The following TLE2 variants were observed in gnomAD, a reference collection of about 807,000 sequenced individuals.
The protein encoded by TLE2 is transducin-like enhancer protein 2.
TLE2 carries 74 observed loss-of-function variants against 97.2 expected under a neutral mutation model. That is an observed-to-expected ratio of 0.76 (90% CI 0.63 to 0.92). The LOEUF (loss-of-function observed/expected upper bound fraction) is 0.92. TLE2 is among the 40% of genes least tolerant of loss of function. TLE2 has a pLI of 0.00. For synonymous variants in TLE2, 499 were observed against 432.1 expected (o/e 1.15, Z -1.92); for missense variants, 1,038 against 1,008.7 (o/e 1.03, Z -0.39).
At position 3,019,314 on chromosome 19, in the gene TLE2, G is replaced by A. The variant is rs1295107551; in HGVS notation, c.519C>T (p.Asp173=). 1.1e-5 allele frequency: 17 copies of A among 1,577,056 alleles called. No individual in the cohort carries two copies. In the East Asian group the frequency reaches 3.7e-4, roughly 34 times the overall value. The stretch of plus-strand genomic sequence containing the variant: ...ACCCCTCGGCCTCCACGCCCGCACG[G>A]TCCTCCTTGACAGCCGCCGCCAGCT... The part of the protein sequence containing the change: ...QAQLAAAVKE[D]RAGVEAEGSR... The change falls in exon 7 of 20, where the codon GAC becomes GAT. Residue 173 remains aspartate, a synonymous_variant. Coordinates refer to ENST00000262953, the MANE Select transcript of TLE2 (RefSeq NM_003260.5). This position sits in a 1 kb window ranked among gnomAD's most constrained non-coding sequence, Gnocchi z 5.1.
chr19:3,024,365 ACGGTTG>A (rs2145197909), intron 5 of TLE2, among the ~76,000 whole-genome samples: 1 of 152,120 alleles, frequency 6.6e-6, no homozygotes, highest in Admixed American at 6.6e-5. Context: ...AAGCACACAC[ACGGTTG>A]TGCAGCCATC....
chr19:3,024,480 C>A (rs1180679583), intron 5 of TLE2, among the ~76,000 whole-genome samples: 2 of 152,058 alleles, frequency 1.3e-5, no homozygotes. Flanking sequence ...TGGCACCCCC[C>A]ATTCTGCTTT....
intron 13 of TLE2, 148 bp downstream of exon 13, chr19:3,009,394 C>A: frequency 1.0e-6 from 1 of 969,908 alleles, no homozygotes. Context: ...CTGAGACCCC[C>A]AGATTGTCTT....
chr19:3,006,782 A>ATT, intron 14 of TLE2, 113 bp from the exon 15 acceptor site: 1 of 1,423,058 alleles, frequency 7.0e-7, no homozygotes, highest in Non-Finnish European at 9.3e-7. Context: ...TGTGTTTTTT[A>ATT]TTTTTTGTTT....
intron 5 of TLE2, among the ~76,000 whole-genome samples, chr19:3,023,605 A>AC (rs2089888172): frequency 6.6e-6 from 1 of 152,090 alleles, no homozygotes; most frequent in Non-Finnish European, 1.5e-5. Flanking sequence ...AGAAACAGGG[A>AC]CAGTGCAGGC....
At position 3,038,237 on chromosome 19, in the gene TLE2, T is replaced by C. The variant is rs546638590; in HGVS notation, c.63+7489A>G. Among the ~76,000 whole-genome samples, 3 of 152,312 alleles carry C rather than the reference T, an allele frequency of 2.0e-5. No homozygotes were observed. In the East Asian group the frequency reaches 5.8e-4, roughly 29 times the overall value. On this transcript the variant is annotated intron_variant, in intron 1 of 18. Transcript: ENST00000426948. ...CCTTATTATTATTTGAGACAAGGTC[T>C]CACTCTGTCACCCAGTCTGGAGTGC...
chr19:3,043,364 CTTTTTTTTTTT>C (rs71337196), intron 1 of TLE2, among the ~76,000 whole-genome samples: 15 of 108,900 alleles, frequency 1.4e-4, no homozygotes, highest in South Asian at 5.9e-4. Context: ...CCTTCTGCAG[CTTTTTTTTTTT>C]TTTTTTTTTT....
chr19:3,046,074 A>T (rs2090139110), upstream of TLE2, among the ~76,000 whole-genome samples: 1 of 152,162 alleles, frequency 6.6e-6, no homozygotes, highest in Non-Finnish European at 1.5e-5. Flanking sequence ...CTTCCTAATT[A>T]GTCTGGTTGC....
chr19:3,021,953 C>T (rs940766658), intron 5 of TLE2, among the ~76,000 whole-genome samples: 1 of 152,100 alleles, frequency 6.6e-6, no homozygotes, highest in Non-Finnish European at 1.5e-5. Flanking sequence ...TGCCTGTAAT[C>T]CCAGTACTTT....
intron 17 of TLE2, 115 bp from the exon 18 acceptor site, chr19:3,002,618 A>G: frequency 7.7e-7 from 1 of 1,291,268 alleles, no homozygotes; most frequent in Non-Finnish European, 1.1e-6. Context: ...GGCTCACTGC[A>G]GCCTTGACCT....
In TLE2 at chr19:3,002,511, TAA is replaced by T; in HGVS notation, c.1897-10_1897-9del. Reference sequence around the variant, plus strand: ...GTGGCCCAGGGAGAAAATCTGGGGGTAAAGAGGGAAGAGATGGGGTCACGAGC... The same window carrying T: ...GTGGCCCAGGGAGAAAATCTGGGGGTAGAGGGAAGAGATGGGGTCACGAGC... On this transcript the variant is annotated splice_polypyrimidine_tract_variant and intron_variant, in intron 17 of 19. Coordinates refer to ENST00000262953, the MANE Select transcript of TLE2 (RefSeq NM_003260.5). 6.4e-7 allele frequency: 1 copy of T among 1,557,562 alleles called. No individual in the cohort carries two copies. Among genetic ancestry groups the T allele is most frequent in the Non-Finnish European group, 8.7e-7 (1 of 1,151,972 alleles).
intron 17 of TLE2, among the ~76,000 whole-genome samples, chr19:3,004,643 C>G (rs216275): frequency 0.13 from 19,445 of 148,266 alleles, 2,434 homozygotes; most frequent in African/African-American, 0.33. Flanking sequence ...AGAGGAGCTT[C>G]GGAGTTAGGA....
chr19:3,007,545 C>T (rs1462777982), intron 14 of TLE2, among the ~76,000 whole-genome samples: 1 of 152,112 alleles, frequency 6.6e-6, no homozygotes. Flanking sequence ...CCATGGTGCT[C>T]GGCCTCTGAT....
At chr19:3,023,544 T>C (rs944017577) in intron 5 of TLE2, among the ~76,000 whole-genome samples, 3 of 152,134 alleles carry the variant, frequency 2.0e-5, no homozygotes, top group African/African-American at 7.2e-5. Context: ...GTGTATCCAC[T>C]CTGAAGTAGA....
intron 5 of TLE2, 74 bp downstream of exon 5, chr19:3,024,946 C>T (rs1200678725): frequency 3.7e-6 from 5 of 1,367,324 alleles, no homozygotes; most frequent in Non-Finnish European, 5.1e-6. Context: ...CTGGGGCGTC[C>T]TCGCCCAGAC....
chr19:3,005,743 G>C lies in TLE2; in HGVS notation c.1726C>G (p.Leu576Val). 6.2e-7 allele frequency: 1 copy of C among 1,613,828 alleles called. No individual in the cohort carries two copies. The highest frequency in any genetic ancestry group is 8.5e-7 in the Non-Finnish European group (1 of 1,179,802). The change falls in exon 16 of 20, where the codon CTG becomes GTG. Residue 576 changes from leucine to valine, a missense_variant. Transcript: ENST00000262953. ...CSDGNIVVWD[L>V]QNQTMVRQFQ... The stretch of plus-strand genomic sequence containing the variant: ...CACCTGACCATAGTCTGATTCTGCA[G>C]GTCCCAGACCACAATGTTGCCATCG...
At chr19:3,023,968 A>C (rs543033258) in intron 5 of TLE2, among the ~76,000 whole-genome samples, 1 of 149,554 alleles carries the variant, frequency 6.7e-6, no homozygotes, top group Non-Finnish European at 1.5e-5. Context: ...GATGAAAGGA[A>C]CCTGGGGCAC....
chr19:3,031,625 C>T (rs1008845627), upstream of TLE2, among the ~76,000 whole-genome samples: 3 of 151,932 alleles, frequency 2.0e-5, no homozygotes, highest in South Asian at 2.1e-4. Context: ...CCACTGCACC[C>T]GGCCAGCCAG....
intron 1 of TLE2, among the ~76,000 whole-genome samples, chr19:3,041,013 AT>A (rs1168699418): frequency 9.7e-4 from 28 of 28,940 alleles, no homozygotes; most frequent in Middle Eastern, 0.033. Context: ...ATATATATAT[AT>A]TTTTTTTTTT....
Sources: allele counts gnomAD v4.1 joint callset (sites outside exome capture counted in the v4.1 genomes callset), GRCh38; gene constraint gnomAD v4.1.1; non-coding constraint Gnocchi (gnomAD v3.1); transcripts MANE v1.5; gene names NCBI Gene and HGNC (gene_info 2026-07-23, HGNC 2026-07-21).